The following SLC39A11 variants were observed in gnomAD, a reference collection of about 807,000 sequenced individuals.
SLC39A11 encodes the protein solute carrier family 39 member 11.
Under a neutral mutation model 36.1 loss-of-function variants are expected in SLC39A11, and 33 were observed. The ratio of observed to expected loss-of-function variants is 0.91; its 90% CI spans 0.69 to 1.22. The LOEUF is 1.22. Ranked by LOEUF, SLC39A11 falls within the 50% of genes most tolerant of loss-of-function variation. The pLI, the probability that SLC39A11 is intolerant of heterozygous loss-of-function variation, is 0.00. For missense variants in SLC39A11, 432 were observed against 430.3 expected (o/e 1.00, Z -0.03); for synonymous variants, 166 against 170.3 (o/e 0.97, Z 0.20).
Position 72,859,995 on chromosome 17 carries a change from A to G in SLC39A11, c.431-10191T>C, listed in dbSNP as rs574424924. Among the ~76,000 whole-genome samples the G allele has an allele frequency of 3.7e-3, 369 of 100,450 alleles. 1 individual carries two copies. The highest frequency in any genetic ancestry group is 0.016 in the African/African-American group (342 of 21,248). 65.9% of individuals were successfully genotyped at this position (100,450 alleles called of 152,430 possible). On this transcript the variant is annotated intron_variant, in intron 5 of 9. Coordinates refer to ENST00000255559, the MANE Select transcript of SLC39A11 (RefSeq NM_139177.4). ...AGAGTGAGACTCCATCAAGAAAGAA[A>G]AGAGACTAGACGAGGAGAGGGGAGG... is the stretch of plus-strand genomic sequence containing the variant.
At chr17:72,866,003 A>ATCTTGGGG (rs2080283656) in intron 5 of SLC39A11, among the ~76,000 whole-genome samples, 1 of 152,226 alleles carries the variant, frequency 6.6e-6, no homozygotes, top group Admixed American at 6.5e-5. Context: ...CAATATCAAG[A>ATCTTGGGG]ACAGTTTAAA....
chr17:73,026,100 A>G (rs2058526874), intron 4 of SLC39A11, among the ~76,000 whole-genome samples: 1 of 151,734 alleles, frequency 6.6e-6, no homozygotes, highest in South Asian at 2.1e-4. Flanking sequence ...CCTGGGCCAC[A>G]GAGGAAGATC....
At chr17:72,978,405 TA>T (rs2088025415) in intron 4 of SLC39A11, among the ~76,000 whole-genome samples, 4 of 152,154 alleles carry the variant, frequency 2.6e-5, no homozygotes, top group Admixed American at 2.6e-4. Flanking sequence ...AAGTAAAAAA[TA>T]TACAAACGAA....
intron 5 of SLC39A11, among the ~76,000 whole-genome samples, chr17:72,855,645 A>C (rs536600188): frequency 6.7e-4 from 102 of 152,292 alleles, no homozygotes; most frequent in African/African-American, 1.6e-3. Flanking sequence ...GCCTGTAATC[A>C]CAGCACTTTG....
At chr17:73,038,743 G>A (rs1361205633) in intron 3 of SLC39A11, among the ~76,000 whole-genome samples, 1 of 124,754 alleles carries the variant, frequency 8.0e-6, no homozygotes, top group African/African-American at 2.8e-5. Context: ...GAGAAAGAAA[G>A]GAGGGAGGAG....
chr17:73,011,747 C>T (rs1175304391), intron 4 of SLC39A11, among the ~76,000 whole-genome samples: 2 of 149,440 alleles, frequency 1.3e-5, no homozygotes, highest in Non-Finnish European at 3.0e-5. Context: ...CTGCAACCTT[C>T]GCCTCCTAGG....
chr17:72,852,765 G>A (rs1225120007), intron 5 of SLC39A11, among the ~76,000 whole-genome samples: 2 of 152,208 alleles, frequency 1.3e-5, no homozygotes, highest in African/African-American at 4.8e-5. Flanking sequence ...GATGCTGGTT[G>A]AGAAACTGAA....
chr17:72,878,722 A>G (rs2081043715), intron 5 of SLC39A11, among the ~76,000 whole-genome samples: 1 of 152,254 alleles, frequency 6.6e-6, no homozygotes, highest in East Asian at 1.9e-4. Flanking sequence ...GAATACTTCT[A>G]TGACCTCTGG....
At chr17:72,841,477 T>C (rs1432731518) in intron 6 of SLC39A11, among the ~76,000 whole-genome samples, 1 of 152,146 alleles carries the variant, frequency 6.6e-6, no homozygotes, top group African/African-American at 2.4e-5. Flanking sequence ...TTCTCACTTA[T>C]TTGTGGGAGC....
chr17:72,939,964 G>C (rs1421688968), intron 5 of SLC39A11, among the ~76,000 whole-genome samples: 1 of 152,164 alleles, frequency 6.6e-6, no homozygotes, highest in Non-Finnish European at 1.5e-5. Context: ...GTTCCAAGGA[G>C]CATTTCCTTT....
intron 7 of SLC39A11, among the ~76,000 whole-genome samples, chr17:72,686,695 G>T (rs1414093127): frequency 6.6e-6 from 1 of 152,240 alleles, no homozygotes; most frequent in Non-Finnish European, 1.5e-5. Context: ...GTGCTCCACA[G>T]GCAGGAATCA....
intron 6 of SLC39A11, among the ~76,000 whole-genome samples, chr17:72,781,454 C>T (rs1172592976): frequency 2.7e-5 from 4 of 150,120 alleles, no homozygotes; most frequent in African/African-American, 4.9e-5. Context: ...GACGGAGTCT[C>T]GCTCTATCGC....
At chr17:72,924,015 C>T (rs914318818) in intron 5 of SLC39A11, among the ~76,000 whole-genome samples, 3 of 151,688 alleles carry the variant, frequency 2.0e-5, no homozygotes, top group Admixed American at 6.6e-5. Context: ...GGCACAGTGG[C>T]GTGTGCCTGT....
chr17:72,738,314 T>G (rs2074523762), intron 6 of SLC39A11, among the ~76,000 whole-genome samples: 1 of 152,124 alleles, frequency 6.6e-6, no homozygotes, highest in Non-Finnish European at 1.5e-5. Context: ...AAGCAAGCAT[T>G]TTTATATGAC....
intron 7 of SLC39A11, among the ~76,000 whole-genome samples, chr17:72,694,987 CT>C (rs138358036): frequency 0.26 from 39,395 of 152,136 alleles, 6,368 homozygotes; most frequent in Admixed American, 0.41. Flanking sequence ...TAGACCTTCC[CT>C]TGACCCTTCT....
chr17:72,687,640 T>C (rs1467230174), intron 7 of SLC39A11, among the ~76,000 whole-genome samples: 6 of 152,154 alleles, frequency 3.9e-5, no homozygotes. Context: ...AAACCATTGC[T>C]GAAAATACAG....
At chr17:72,833,801 G>A (rs963102038) in intron 6 of SLC39A11, among the ~76,000 whole-genome samples, 6 of 151,978 alleles carry the variant, frequency 3.9e-5, no homozygotes, top group African/African-American at 1.5e-4. Context: ...TGATGCTCTC[G>A]AGCCTGCTAC....
intron 4 of SLC39A11, 53 bp from the exon 5 acceptor site, chr17:72,947,928 C>T: frequency 3.1e-6 from 5 of 1,599,364 alleles, no homozygotes; most frequent in Non-Finnish European, 4.3e-6. Flanking sequence ...GTTAATTCCC[C>T]AGATGCTTCT....
intron 7 of SLC39A11, among the ~76,000 whole-genome samples, chr17:72,678,603 G>C (rs1372714596): frequency 2.0e-5 from 3 of 152,090 alleles, no homozygotes; most frequent in Non-Finnish European, 4.4e-5. Context: ...TACTCGGGAG[G>C]CTGAGGCAGG....
Sources: gnomAD v4.1 joint callset for allele counts (sites outside exome capture counted in the v4.1 genomes callset) on GRCh38, gnomAD v4.1.1 for gene constraint, MANE v1.5 for transcripts, NCBI Gene and HGNC (gene_info 2026-07-23, HGNC 2026-07-21) for gene names.